Variants in GPATCH2 observed in about 807,000 individuals in gnomAD.
GPATCH2 encodes G patch domain-containing protein 2.
In GPATCH2, 51 loss-of-function variants were observed where a neutral mutation model predicts 58.0. The ratio of observed to expected loss-of-function variants is 0.88; its 90% CI spans 0.70 to 1.11. The LOEUF (loss-of-function observed/expected upper bound fraction) is 1.11, where lower values mean the gene tolerates loss of function less well. GPATCH2 is among the 50% of genes most tolerant of loss of function. The pLI is 0.00. For missense variants in GPATCH2, 625 were observed against 652.2 expected, an observed-to-expected ratio of 0.96 and a Z score of 0.45; for synonymous variants, 222 against 218.5, an observed-to-expected ratio of 1.02 and a Z score of -0.14.
chr1:217,451,991 G>A (rs994761185), intron 8 of GPATCH2, among the ~76,000 whole-genome samples: 8 of 152,232 alleles, frequency 5.3e-5, no homozygotes, highest in Non-Finnish European at 1.0e-4. Context: ...TGCCTGCAGA[G>A]CAGTGTTGGC....
intron 8 of GPATCH2, among the ~76,000 whole-genome samples, chr1:217,466,413 A>G (rs550390327): frequency 1.9e-3 from 283 of 152,130 alleles, no homozygotes; most frequent in African/African-American, 6.4e-3. Context: ...TTTGTGGAGA[A>G]TGGGTCTTTC....
At chr1:217,555,652 C>A (rs1335908876) in intron 5 of GPATCH2, among the ~76,000 whole-genome samples, 1 of 152,130 alleles carries the variant, frequency 6.6e-6, no homozygotes, top group African/African-American at 2.4e-5. Context: ...AACATCTCAA[C>A]CAAGTATTCC....
intron 5 of GPATCH2, among the ~76,000 whole-genome samples, chr1:217,534,019 T>C (rs942166220): frequency 2.0e-5 from 3 of 152,150 alleles, no homozygotes; most frequent in African/African-American, 7.2e-5. Flanking sequence ...AGTTTGAGAC[T>C]AGCCTGGCCA....
At chr1:217,525,103 T>C (rs1663820404) in intron 5 of GPATCH2, among the ~76,000 whole-genome samples, 1 of 151,698 alleles carries the variant, frequency 6.6e-6, no homozygotes, top group African/African-American at 2.4e-5. Context: ...TAAAAATTAT[T>C]AGCAAATATA....
intron 5 of GPATCH2, among the ~76,000 whole-genome samples, chr1:217,602,098 C>T (rs1305562925): frequency 6.6e-6 from 1 of 152,128 alleles, no homozygotes; most frequent in Non-Finnish European, 1.5e-5. Context: ...TTGTAGTTAC[C>T]TAATGTACTC....
At chr1:217,519,150 A>C (rs1663325050) in intron 5 of GPATCH2, among the ~76,000 whole-genome samples, 1 of 152,256 alleles carries the variant, frequency 6.6e-6, no homozygotes, top group Admixed American at 6.5e-5. Flanking sequence ...CCCATACAGA[A>C]GAATAAAGGA....
At chr1:217,552,435 T>C (rs941187995) in intron 5 of GPATCH2, among the ~76,000 whole-genome samples, 1 of 152,170 alleles carries the variant, frequency 6.6e-6, no homozygotes, top group Non-Finnish European at 1.5e-5. Flanking sequence ...AATACTGGTT[T>C]ACCTGTTCCA....
chr1:217,434,491 G>A (rs1270819423), intron 9 of GPATCH2, among the ~76,000 whole-genome samples: 4 of 152,058 alleles, frequency 2.6e-5, no homozygotes, highest in South Asian at 2.1e-4. Context: ...GTGCCTTAGC[G>A]TGTTGTCTCA....
rs1658411850 is a variant in GPATCH2 at position 217,428,785 on chromosome 1, G to A, written c.*2360C>T. The A allele has an allele frequency of 6.6e-6, 1 of 152,184 alleles. No individual in the cohort carries two copies. Among genetic ancestry groups the A allele is most frequent in the Non-Finnish European group, 1.5e-5 (1 of 68,024 alleles). The allele number at this position is 152,184 out of a possible 1,614,324, so 9.4% of individuals were successfully genotyped here. On this transcript the variant is annotated 3_prime_UTR_variant, in exon 10 of 10. Coordinates refer to ENST00000366935, the MANE Select transcript of GPATCH2 (RefSeq NM_018040.5). Reference sequence around the variant, plus strand: ...CAAAGAAGAATTTTTTTAGGTGTTAGAGAAGCTAAGTTAACATCCCACAGA... The same window carrying A: ...CAAAGAAGAATTTTTTTAGGTGTTAAAGAAGCTAAGTTAACATCCCACAGA...
chr1:217,559,885 A>T (rs1665834883), intron 5 of GPATCH2, among the ~76,000 whole-genome samples: 1 of 152,036 alleles, frequency 6.6e-6, no homozygotes, highest in Non-Finnish European at 1.5e-5. Context: ...AGAGAGAGAG[A>T]GAGAGAGAGA....
chr1:217,499,236 T>C (rs1207944277), intron 6 of GPATCH2, among the ~76,000 whole-genome samples: 3 of 152,206 alleles, frequency 2.0e-5, no homozygotes, highest in Admixed American at 1.3e-4. Flanking sequence ...ATTAATGCTA[T>C]TTATGATTTC....
In GPATCH2 at chr1:217,631,070, G is replaced by A. The variant is rs1571689611; in HGVS notation, c.-99C>T. ...TCCAAAGAGCAGTTCAGCATTTTGA[G>A]ATGAGCTTCCGGAAGCCGACAGGCG... On this transcript the variant is annotated 5_prime_UTR_variant, in exon 1 of 10. Coordinates refer to ENST00000366935, the MANE Select transcript of GPATCH2 (RefSeq NM_018040.5). 1 of 1,197,774 alleles carries A rather than the reference G, an allele frequency of 8.3e-7. No individual in the cohort carries two copies. The highest frequency in any genetic ancestry group is 1.2e-6 in the Non-Finnish European group (1 of 852,588). 74.2% of individuals were successfully genotyped at this position (1,197,774 alleles called of 1,614,324 possible).
At chr1:217,624,941 C>T (rs1014884440) in intron 1 of GPATCH2, among the ~76,000 whole-genome samples, 7 of 152,088 alleles carry the variant, frequency 4.6e-5, no homozygotes, top group African/African-American at 1.7e-4. Context: ...GAACAGAATA[C>T]CCCAAAACAA....
intron 1 of GPATCH2, among the ~76,000 whole-genome samples, chr1:217,626,969 A>G (rs548104954): frequency 6.6e-6 from 1 of 151,854 alleles, no homozygotes; most frequent in South Asian, 2.1e-4. Flanking sequence ...ATAAATAGGA[A>G]ACACCATTCT....
At chr1:217,479,435 T>C (rs1661118438) in intron 8 of GPATCH2, among the ~76,000 whole-genome samples, 2 of 152,324 alleles carry the variant, frequency 1.3e-5, no homozygotes, top group African/African-American at 4.8e-5. Context: ...CAAACAGTGT[T>C]GTTATAATCT....
At chr1:217,481,902 C>T (rs1661227588) in intron 8 of GPATCH2, among the ~76,000 whole-genome samples, 1 of 152,032 alleles carries the variant, frequency 6.6e-6, no homozygotes, top group Non-Finnish European at 1.5e-5. Context: ...AAAACAAAAC[C>T]AAGTGCTTAG....
chr1:217,605,775 T>C (rs961328246), intron 5 of GPATCH2, among the ~76,000 whole-genome samples: 2 of 152,238 alleles, frequency 1.3e-5, no homozygotes, highest in South Asian at 2.1e-4. Context: ...CTATCTGGAA[T>C]GTATGCTTAC....
At chr1:217,463,406 T>C (rs893983474) in intron 8 of GPATCH2, among the ~76,000 whole-genome samples, 15 of 151,692 alleles carry the variant, frequency 9.9e-5, no homozygotes, top group African/African-American at 3.6e-4. Flanking sequence ...GCATTCAAGG[T>C]AAGAAGTAAT....
chr1:217,454,800 T>C (rs1248710267), intron 8 of GPATCH2, among the ~76,000 whole-genome samples: 3 of 148,732 alleles, frequency 2.0e-5, no homozygotes, highest in African/African-American at 7.4e-5. Flanking sequence ...TGCCCTCTAA[T>C]TTTCATATTT....
Sources: gnomAD v4.1 joint callset for allele counts (sites outside exome capture counted in the v4.1 genomes callset) on GRCh38, gnomAD v4.1.1 for gene constraint, MANE v1.5 for transcripts, NCBI Gene and HGNC (gene_info 2026-07-23, HGNC 2026-07-21) for gene names.